FKTN: variants seen among roughly 807,000 people sequenced by gnomAD.
FKTN encodes the protein fukutin, also known as ribitol-5-phosphate transferase FKTN.
A neutral mutation model predicts 58.6 loss-of-function variants in FKTN; 47 were observed. That is an observed-to-expected ratio of 0.80 (90% CI 0.63 to 1.02). The LOEUF is 1.02. Among genes scored for constraint, FKTN ranks in the 50% least tolerant of loss-of-function variants. The pLI, the probability that FKTN is intolerant of heterozygous loss-of-function variation, is 0.00. For synonymous variants in FKTN, 178 were observed against 191.9 expected (o/e 0.93, Z 0.60); for missense variants, 516 against 537.3 (o/e 0.96, Z 0.39).
At chr9:105,626,885 T>C (rs1188096086) in intron 10 of FKTN, among the ~76,000 whole-genome samples, 1 of 152,168 alleles carries the variant, frequency 6.6e-6, no homozygotes, top group Non-Finnish European at 1.5e-5. Flanking sequence ...TTTTGTGAGT[T>C]ACTGGCTGAG....
chr9:105,620,723 T>A (rs1255481342), intron 10 of FKTN, among the ~76,000 whole-genome samples: 1 of 151,976 alleles, frequency 6.6e-6, no homozygotes. Context: ...TTGAGGTGTG[T>A]CAGGAGGTCC....
intron 4 of FKTN, among the ~76,000 whole-genome samples, chr9:105,599,764 A>G (rs1373547353): frequency 6.6e-6 from 1 of 152,124 alleles, no homozygotes; most frequent in Non-Finnish European, 1.5e-5. Flanking sequence ...TTGACCTCCC[A>G]CAGTGCTGGG....
intron 1 of FKTN, among the ~76,000 whole-genome samples, chr9:105,561,421 T>A (rs1370631912): frequency 6.6e-6 from 1 of 152,166 alleles, no homozygotes; most frequent in Non-Finnish European, 1.5e-5. Context: ...TTTTTCTTAC[T>A]ACAAAATCAA....
rs569905503 is a variant in FKTN at position 105,583,209 on chromosome 9, T to A, written c.105+8072T>A. ...GCTAACATTTTTTGATGTGCTTGAT[T>A]GAGCAGGCCCTATGCGAAGCACTTT... is the stretch of plus-strand genomic sequence containing the variant. On this transcript the variant is annotated intron_variant, in intron 3 of 10. Coordinates refer to ENST00000357998, the MANE Select transcript of FKTN (RefSeq NM_001079802.2). Among the ~76,000 whole-genome samples the A allele has an allele frequency of 9.8e-5, 15 of 152,366 alleles. 1 individual carries two copies. The highest frequency in any genetic ancestry group is 3.1e-4 in the African/African-American group (13 of 41,584).
Position 105,635,299 on chromosome 9 carries a change from G to GA in FKTN, c.*42dup, listed in dbSNP as rs749100291. ...TTGAAATGGGAGAATTTCTCTTTTGGAAAAAAAGGTAGATAACTGTTTAAA... is the reference window on the plus strand; with the variant it reads ...TTGAAATGGGAGAATTTCTCTTTTGGAAAAAAAAGGTAGATAACTGTTTAAA... On this transcript the variant is annotated 3_prime_UTR_variant, in exon 11 of 11. Coordinates refer to ENST00000357998, the MANE Select transcript of FKTN (RefSeq NM_001079802.2). 2 of 1,607,678 alleles carry GA rather than the reference G, an allele frequency of 1.2e-6. No individual in the cohort carries two copies. The highest frequency in any genetic ancestry group is 2.2e-5 in the East Asian group (1 of 44,844).
chr9:105,602,537 G>T (rs1201307776), intron 5 of FKTN, among the ~76,000 whole-genome samples: 1 of 152,024 alleles, frequency 6.6e-6, no homozygotes, highest in Admixed American at 6.6e-5. Context: ...GTTTTTGTTT[G>T]TTTGTGTTGG....
At chr9:105,561,396 A>T (rs781748360) in intron 1 of FKTN, among the ~76,000 whole-genome samples, 13 of 152,158 alleles carry the variant, frequency 8.5e-5, no homozygotes, top group Admixed American at 4.6e-4. Context: ...TTAAAGTTTT[A>T]AAAAAAACTT....
In FKTN at chr9:105,586,253, A is replaced by G. The variant is rs76814784; in HGVS notation, c.106-10345A>G. Among the ~76,000 whole-genome samples, 1,376 of 152,320 alleles carry G rather than the reference A, an allele frequency of 9.0e-3. 22 individuals are homozygous for G. Among genetic ancestry groups the G allele is most frequent in the African/African-American group, 0.032 (1,318 of 41,556 alleles). On this transcript the variant is annotated intron_variant, in intron 3 of 10. Coordinates refer to ENST00000357998, the MANE Select transcript of FKTN (RefSeq NM_001079802.2). ...CTAGTATATTATATTTATTGGGTCT[A>G]CTAAAATTTCATAGACGGGTAGAAT...
intron 1 of FKTN, among the ~76,000 whole-genome samples, chr9:105,560,784 G>C (rs1838154353): frequency 6.6e-6 from 1 of 152,020 alleles, no homozygotes; most frequent in African/African-American, 2.4e-5. Flanking sequence ...ATTCTTGAGG[G>C]AGCCACTTAA....
intron 1 of FKTN, among the ~76,000 whole-genome samples, chr9:105,564,202 A>C (rs1313805489): frequency 6.6e-6 from 1 of 152,190 alleles, no homozygotes; most frequent in Non-Finnish European, 1.5e-5. Flanking sequence ...TGGGGAAAAA[A>C]CAGAGCAGAA....
chr9:105,594,125 T>C (rs1026489650), intron 3 of FKTN, among the ~76,000 whole-genome samples: 2 of 152,144 alleles, frequency 1.3e-5, no homozygotes, highest in Non-Finnish European at 2.9e-5. Flanking sequence ...CTTTGTCCAG[T>C]CAAGGGGGGA....
At chr9:105,587,435 G>T (rs1443150303) in intron 3 of FKTN, among the ~76,000 whole-genome samples, 1 of 152,096 alleles carries the variant, frequency 6.6e-6, no homozygotes, top group Non-Finnish European at 1.5e-5. Context: ...TGCAACAAAG[G>T]CTTTTGAATA....
At chr9:105,582,192 C>G (rs183993159) in intron 3 of FKTN, among the ~76,000 whole-genome samples, 8 of 151,878 alleles carry the variant, frequency 5.3e-5, no homozygotes, top group African/African-American at 1.7e-4. Flanking sequence ...GGCTCCTACC[C>G]GAAACTTTTC....
At position 105,637,337 on chromosome 9, in the gene FKTN, A is replaced by C; in HGVS notation, c.*2073A>C. 1.0e-6 allele frequency: 1 copy of C among 985,318 alleles called. No homozygotes were observed. Among genetic ancestry groups the C allele is most frequent in the Non-Finnish European group, 1.2e-6 (1 of 829,880 alleles). 61.0% of individuals were successfully genotyped at this position (985,318 alleles called of 1,614,324 possible). A position where few individuals can be genotyped will look rare whatever the true frequency, so the allele number is the denominator to read the frequency against. ...GTCTTAAGAGTGTCTGAAATCCAAG[A>C]CATCTTGGCCCAATTGACACAGGTT... On this transcript the variant is annotated 3_prime_UTR_variant, in exon 11 of 11. Transcript: ENST00000357998.
Position 105,636,718 on chromosome 9 carries a change from C to A in FKTN, c.*1454C>A. On this transcript the variant is annotated 3_prime_UTR_variant, in exon 11 of 11. Transcript: ENST00000357998. ...ATCTTATCTATGCTATTTAGGACTA[C>A]TTTCTGGAGCTTGGCAGATTTTCCT... 1 of 1,298,428 alleles carries A rather than the reference C, an allele frequency of 7.7e-7. No homozygotes were observed. Among genetic ancestry groups the A allele is most frequent in the African/African-American group, 1.5e-5 (1 of 65,912 alleles). 80.4% of individuals were successfully genotyped at this position (1,298,428 alleles called of 1,614,324 possible).
intron 10 of FKTN, among the ~76,000 whole-genome samples, chr9:105,631,853 A>G (rs1833494746): frequency 6.6e-6 from 1 of 150,824 alleles, no homozygotes; most frequent in South Asian, 2.1e-4. Flanking sequence ...TGTGGAAGTC[A>G]GTGTGGCGAC....
intron 1 of FKTN, among the ~76,000 whole-genome samples, chr9:105,562,580 G>A (rs1195170415): frequency 6.6e-6 from 1 of 152,176 alleles, no homozygotes; most frequent in Non-Finnish European, 1.5e-5. Flanking sequence ...CCAGAATTCA[G>A]GTCCCTCTCA....
intron 9 of FKTN, among the ~76,000 whole-genome samples, chr9:105,618,608 G>T (rs1831250192): frequency 6.6e-6 from 1 of 152,016 alleles, no homozygotes; most frequent in Non-Finnish European, 1.5e-5. Context: ...ATATGTCCTA[G>T]GCTATAGCAG....
Position 105,604,169 on chromosome 9 carries a change from A to G in FKTN, c.370-46A>G, listed in dbSNP as rs373497611. On this transcript the variant is annotated intron_variant, in intron 5 of 10. Transcript: ENST00000357998. ...ACTAGTATTTGGCTTTAAATATTCA[A>G]TGTTTAAGTGTTGTTTCTTGATGTT... The G allele has an allele frequency of 1.5e-5, 24 of 1,598,202 alleles. No homozygotes were observed. The East Asian group carries it at 4.9e-4, about 33-fold the overall frequency.
Sources: gnomAD v4.1 joint callset for allele counts (sites outside exome capture counted in the v4.1 genomes callset) on GRCh38, gnomAD v4.1.1 for gene constraint, MANE v1.5 for transcripts, NCBI Gene and HGNC (gene_info 2026-07-23, HGNC 2026-07-21) for gene names.